The following CRYBG1 variants were observed in gnomAD, a reference collection of about 807,000 sequenced individuals.
The protein encoded by CRYBG1 is beta/gamma crystallin domain-containing protein 1.
CRYBG1 carries 139 observed loss-of-function variants against 189.2 expected under a neutral mutation model. That is an observed-to-expected ratio of 0.73 (90% confidence interval 0.64 to 0.85). The LOEUF (loss-of-function observed/expected upper bound fraction) is 0.85, where lower values mean the gene tolerates loss of function less well. CRYBG1 is among the 40% of genes least tolerant of loss of function. The probability of loss-of-function intolerance (pLI) is 0.00; values close to 1 mark genes in which losing one functional copy is unlikely to be tolerated. For missense variants in CRYBG1, 2,611 were observed against 2,675.8 expected (o/e 0.98, Z 0.53); for synonymous variants, 1,023 against 1,017.1 (o/e 1.01, Z -0.11).
intron 1 of CRYBG1, among the ~76,000 whole-genome samples, chr6:106,370,256 G>A (rs1220649551): frequency 1.4e-5 from 2 of 143,318 alleles, no homozygotes; most frequent in Non-Finnish European, 3.1e-5. Context: ...TTCTGCCCAA[G>A]CTGTGTCAGA....
intron 1 of CRYBG1, among the ~76,000 whole-genome samples, chr6:106,369,714 A>G (rs1769976921): frequency 6.6e-6 from 1 of 152,216 alleles, no homozygotes; most frequent in Admixed American, 6.5e-5. Flanking sequence ...GTTTCCCATC[A>G]ATATTTGATT....
At chr6:106,543,680 A>T (rs1774193177) in intron 11 of CRYBG1, 83 bp downstream of exon 11, 2 of 1,407,618 alleles carry the variant, frequency 1.4e-6, no homozygotes, top group East Asian at 4.6e-5. Flanking sequence ...CCTAAAAACA[A>T]CATTCCTGAT....
intron 20 of CRYBG1, 150 bp downstream of exon 20, chr6:106,561,650 T>A: frequency 1.1e-6 from 1 of 910,114 alleles, no homozygotes; most frequent in African/African-American, 1.7e-5. Context: ...CATGACAGTA[T>A]ATCCTAGCTC....
chr6:106,513,183 G>T, intron 3 of CRYBG1, 144 bp downstream of exon 3: 2 of 1,037,160 alleles, frequency 1.9e-6, no homozygotes, highest in Non-Finnish European at 2.7e-6. Context: ...GATAGTGAAG[G>T]GCCAGTTTAC....
At position 106,512,168 on chromosome 6, in the gene CRYBG1, G is replaced by T. The variant is rs1422344167; in HGVS notation, c.1051G>T (p.Ala351Ser). 6.5e-7 allele frequency: 1 copy of T among 1,534,394 alleles called. No homozygotes were observed. Among genetic ancestry groups the T allele is most frequent in the Non-Finnish European group, 8.7e-7 (1 of 1,145,954 alleles). ...GCCAGGTGAGCCTCCGGCCGAGGGCGCAGCGCACACGGCCAGCTCCGCGCA... is the reference window on the plus strand; with the variant it reads ...GCCAGGTGAGCCTCCGGCCGAGGGCTCAGCGCACACGGCCAGCTCCGCGCA... ...DLPGEPPAEG[A>S]AHTASSAQAD... The change falls in exon 3 of 22, where the codon GCA (alanine) becomes TCA (serine). Residue 351 changes from alanine (A) to serine (S), a missense_variant. Transcript: ENST00000633556.
At chr6:106,523,770 C>T (rs914325687) in intron 4 of CRYBG1, among the ~76,000 whole-genome samples, 53 of 151,056 alleles carry the variant, frequency 3.5e-4, no homozygotes, top group Admixed American at 1.4e-3. Flanking sequence ...CGCTCTGTCA[C>T]CCAAGCTGGA....
In CRYBG1 at chr6:106,552,065, C is replaced by T. The variant is rs930509987; in HGVS notation, c.5439+87C>T. On this transcript the variant is annotated intron_variant, in intron 14 of 21. Coordinates refer to ENST00000633556, the MANE Select transcript of CRYBG1 (RefSeq NM_001371242.2). Reference sequence around the variant, plus strand: ...TTCCTGGTTCATGTAATAGTAATTGCTATGGAAAATATTCTGAGTTTATTT... The same window carrying T: ...TTCCTGGTTCATGTAATAGTAATTGTTATGGAAAATATTCTGAGTTTATTT... 23 of 1,450,580 alleles carry T rather than the reference C, an allele frequency of 1.6e-5. No homozygotes were observed. In the Admixed American group the frequency reaches 4.4e-4, roughly 28 times the overall value. The allele number at this position is 1,450,580 out of a possible 1,614,324, so 89.9% of individuals were successfully genotyped here.
At chr6:106,539,617 T>A in intron 9 of CRYBG1, 88 bp downstream of exon 9, 1 of 1,469,190 alleles carries the variant, frequency 6.8e-7, no homozygotes, top group Non-Finnish European at 9.1e-7. Flanking sequence ...GCAATAAAGC[T>A]GACTTTTAAG....
intron 1 of CRYBG1, among the ~76,000 whole-genome samples, chr6:106,434,749 TA>T (rs1771424195): frequency 6.6e-6 from 1 of 152,248 alleles, no homozygotes; most frequent in Non-Finnish European, 1.5e-5. Flanking sequence ...AAACTCTATT[TA>T]CAAAAACAGG....
At chr6:106,471,023 C>T (rs1443037788) in intron 2 of CRYBG1, among the ~76,000 whole-genome samples, 1 of 152,156 alleles carries the variant, frequency 6.6e-6, no homozygotes, top group Non-Finnish European at 1.5e-5. Flanking sequence ...AACCCAAATA[C>T]ACATTGTTCT....
rs1334746306 is a variant in CRYBG1, at chr6:106,431,067, AGCCAGG to A, written c.174-20626_174-20621del. Among the ~76,000 whole-genome samples the A allele has an allele frequency of 3.3e-5, 5 of 152,052 alleles. No homozygotes were observed. In the East Asian group the frequency reaches 9.7e-4, roughly 29 times the overall value. On this transcript the variant is annotated intron_variant, in intron 1 of 21. Coordinates refer to ENST00000633556, the MANE Select transcript of CRYBG1 (RefSeq NM_001371242.2). ...AGTAGAGATGGGGTTTCACCATGTC[AGCCAGG>A]CTGGTCTCAAACTCCTGACCTCAAG...
chr6:106,371,243 C>T (rs1207305929), intron 1 of CRYBG1, among the ~76,000 whole-genome samples: 2 of 152,180 alleles, frequency 1.3e-5, no homozygotes, highest in Non-Finnish European at 2.9e-5. Flanking sequence ...TCATAAATAT[C>T]TCATGAAAGC....
intron 15 of CRYBG1, 53 bp from the exon 16 acceptor site, chr6:106,553,402 A>T: frequency 1.6e-6 from 2 of 1,223,170 alleles, no homozygotes; most frequent in Non-Finnish European, 2.4e-6. Flanking sequence ...AGGCTAAATT[A>T]GTTAATGTGT....
chr6:106,429,018 C>T (rs1771277517), intron 1 of CRYBG1, among the ~76,000 whole-genome samples: 1 of 152,226 alleles, frequency 6.6e-6, no homozygotes, highest in Non-Finnish European at 1.5e-5. Flanking sequence ...GGTATTAGAA[C>T]AACTTCTCTT....
intron 7 of CRYBG1, among the ~76,000 whole-genome samples, chr6:106,528,279 C>T (rs944023026): frequency 9.9e-5 from 15 of 151,932 alleles, no homozygotes; most frequent in African/African-American, 2.7e-4. Context: ...GTATATAATA[C>T]GAGAAGACTA....
At chr6:106,497,050 A>T (rs1772867305) in intron 2 of CRYBG1, among the ~76,000 whole-genome samples, 1 of 152,158 alleles carries the variant, frequency 6.6e-6, no homozygotes, top group African/African-American at 2.4e-5. Flanking sequence ...ACACTGTAGT[A>T]AGAGGGTGAT....
chr6:106,397,697 G>A (rs1374688359), intron 1 of CRYBG1, among the ~76,000 whole-genome samples: 2 of 152,128 alleles, frequency 1.3e-5, no homozygotes, highest in African/African-American at 4.8e-5. Context: ...TGAAACCAGC[G>A]GGGCATATCA....
At chr6:106,554,529 G>A (rs574328156) in intron 16 of CRYBG1, among the ~76,000 whole-genome samples, 33 of 151,992 alleles carry the variant, frequency 2.2e-4, no homozygotes, top group African/African-American at 8.0e-4. Context: ...GGAGAATTGC[G>A]TGAACCCAGG....
Position 106,481,004 on chromosome 6 carries a change from C to T in CRYBG1, c.312+29172C>T, listed in dbSNP as rs1394525147. 1.5e-4 allele frequency among the ~76,000 whole-genome samples: 6 copies of T among 38,954 alleles called. 1 individual carries two copies. The highest frequency in any genetic ancestry group is 8.6e-4 in the African/African-American group (6 of 6,992). 25.6% of individuals were successfully genotyped at this position (38,954 alleles called of 152,430 possible). On this transcript the variant is annotated intron_variant, in intron 2 of 21. Coordinates refer to ENST00000633556, the MANE Select transcript of CRYBG1 (RefSeq NM_001371242.2). ...TTTTTTTTTTTTTTAGACGGAGTCT[C>T]GCTCTGTCGCCCAGGCTGGAGTGCA...
Sources: allele counts gnomAD v4.1 joint callset (sites outside exome capture counted in the v4.1 genomes callset), GRCh38; gene constraint gnomAD v4.1.1; transcripts MANE v1.5; gene names NCBI Gene and HGNC (gene_info 2026-07-23, HGNC 2026-07-21).